LOC112694756: variants seen among roughly 807,000 people sequenced by gnomAD.
At chr16:30,067,058 A>G in the LOC112694756 span, 1 of 1,575,818 alleles carries the variant, frequency 6.3e-7, no homozygotes. Flanking sequence ...CAGGCCTAGC[A>G]AAGGGAAGTT....
At chr16:30,057,620 T>C in the LOC112694756 span, among the ~76,000 whole-genome samples, 1 of 152,214 alleles carries the variant, frequency 6.6e-6, no homozygotes, top group East Asian at 1.9e-4. Context: ...TGATTGGTGC[T>C]AATCCCTGGC....
chr16:30,067,733 G>A, the LOC112694756 span: 1 of 1,567,256 alleles, frequency 6.4e-7, no homozygotes, highest in Non-Finnish European at 8.8e-7. Context: ...AGTGAGGCAG[G>A]GAATGAATGC....
At chr16:30,068,749 T>A in the LOC112694756 span, 1 of 1,614,196 alleles carries the variant, frequency 6.2e-7, no homozygotes, top group Admixed American at 1.7e-5. Flanking sequence ...AGAGCAGGTT[T>A]GGGTGCTGGG....
At chr16:30,069,395 T>C in the LOC112694756 span, 2 of 1,613,944 alleles carry the variant, frequency 1.2e-6, no homozygotes, top group African/African-American at 1.3e-5. Context: ...AGAAGGTAAA[T>C]GGCTACCTGC....
chr16:30,063,750 C>T, the LOC112694756 span: 4 of 399,356 alleles, frequency 1.0e-5, no homozygotes, highest in African/African-American at 2.1e-5. Flanking sequence ...TCGCTGCCCC[C>T]GCTGCTGCCC....
chr16:30,056,609 C>T, the LOC112694756 span, among the ~76,000 whole-genome samples: 16 of 152,096 alleles, frequency 1.1e-4, no homozygotes, highest in South Asian at 4.1e-4. Context: ...CCCTATCCCC[C>T]GCCTTTTTTG....
At chr16:30,064,385 C>T in the LOC112694756 span, 8 of 398,582 alleles carry the variant, frequency 2.0e-5, no homozygotes, top group Non-Finnish European at 4.4e-6. Flanking sequence ...GCAGGGAGGC[C>T]ACGTGATCCG....
the LOC112694756 span, chr16:30,067,250 G>A: frequency 1.2e-6 from 2 of 1,612,252 alleles, no homozygotes; most frequent in Non-Finnish European, 1.7e-6. Flanking sequence ...GCTACTACCA[G>A]CACCATGCCC....
chr16:30,061,098 G>A, the LOC112694756 span, among the ~76,000 whole-genome samples: 1 of 152,218 alleles, frequency 6.6e-6, no homozygotes, highest in Admixed American at 6.5e-5. Context: ...AGCCATCCTG[G>A]GCCACTTCAG....
At chr16:30,069,383 C>A in the LOC112694756 span, 1 of 1,614,130 alleles carries the variant, frequency 6.2e-7, no homozygotes, top group Non-Finnish European at 8.5e-7. Context: ...AGTATGTGAC[C>A]GAGAAGGTAA....
chr16:30,054,675 A>G, the LOC112694756 span: 2 of 398,166 alleles, frequency 5.0e-6, no homozygotes, highest in Non-Finnish European at 8.9e-6. Flanking sequence ...TCTCCCCACC[A>G]TCTGGTGGCC....
At chr16:30,064,512 G>A in the LOC112694756 span, 1 of 398,740 alleles carries the variant, frequency 2.5e-6, no homozygotes. Flanking sequence ...ACCGGTGAGT[G>A]GGCAGGGGCT....
chr16:30,064,253 G>T, the LOC112694756 span: 1 of 394,802 alleles, frequency 2.5e-6, no homozygotes, highest in Middle Eastern at 6.4e-4. Context: ...TAGGAGGTGA[G>T]TGTAGTGCCA....
the LOC112694756 span, chr16:30,063,708 A>T: frequency 2.5e-6 from 1 of 398,428 alleles, no homozygotes; most frequent in South Asian, 1.3e-4. Flanking sequence ...ACCTCCCTCA[A>T]CCCTCTCTCT....
At chr16:30,067,673 G>A in the LOC112694756 span, 7 of 1,613,986 alleles carry the variant, frequency 4.3e-6, no homozygotes, top group East Asian at 1.3e-4. Context: ...TAAGGGGAGG[G>A]CCTCCGGACG....
chr16:30,058,819 A>C, the LOC112694756 span: 1 of 348,602 alleles, frequency 2.9e-6, no homozygotes, highest in Non-Finnish European at 5.1e-6. Flanking sequence ...CAAGGTTCTC[A>C]TTCATTCATT....
the LOC112694756 span, chr16:30,067,315 C>T: frequency 3.3e-5 from 54 of 1,613,246 alleles, no homozygotes; most frequent in African/African-American, 5.3e-5. Flanking sequence ...TGACATCGCT[C>T]ACCGCATCGT....
chr16:30,063,558 G>A, the LOC112694756 span, among the ~76,000 whole-genome samples: 1 of 152,140 alleles, frequency 6.6e-6, no homozygotes, highest in South Asian at 2.1e-4. Context: ...AGGACTCACT[G>A]CTGATTTTTC....
chr16:30,069,391 T>C, the LOC112694756 span: 2 of 1,613,776 alleles, frequency 1.2e-6, no homozygotes, highest in African/African-American at 2.7e-5. Flanking sequence ...ACCGAGAAGG[T>C]AAATGGCTAC....
Sources: allele counts gnomAD v4.1 joint callset (sites outside exome capture counted in the v4.1 genomes callset), GRCh38; gene constraint gnomAD v4.1.1; transcripts MANE v1.5.